SOX6: variants seen among roughly 807,000 people sequenced by gnomAD.
SOX6 encodes SRY-box transcription factor 6.
SOX6 carries 11 observed loss-of-function variants against 97.8 expected under a neutral mutation model. That is an observed-to-expected ratio of 0.11 (90% CI 0.07 to 0.19). The LOEUF (loss-of-function observed/expected upper bound fraction) is 0.19, where lower values mean the gene tolerates loss of function less well. SOX6 is among the 10% of genes least tolerant of loss of function. SOX6 has a pLI of 1.00. For synonymous variants in SOX6, 360 were observed against 371.4 expected (o/e 0.97, Z 0.35); for missense variants, 810 against 1,039.5 (o/e 0.78, Z 3.04).
At chr11:16,648,182 G>A (rs997525450) in intron 3 of SOX6, among the ~76,000 whole-genome samples, 1 of 152,108 alleles carries the variant, frequency 6.6e-6, no homozygotes, top group Non-Finnish European at 1.5e-5. Context: ...TGGCACCATG[G>A]AGCAAGACTA....
chr11:16,555,690 T>A (rs1483652824), intron 4 of SOX6, among the ~76,000 whole-genome samples: 1 of 151,680 alleles, frequency 6.6e-6, no homozygotes, highest in African/African-American at 2.4e-5. Flanking sequence ...CTTGGACACA[T>A]AAACATTTTT....
chr11:16,658,740 T>C (rs1847744006), intron 3 of SOX6, among the ~76,000 whole-genome samples: 3 of 152,142 alleles, frequency 2.0e-5, no homozygotes, highest in Admixed American at 2.0e-4. Context: ...GAGTTTGGCT[T>C]GACTTTCATT....
At chr11:16,538,287 T>C (rs1861340946) in intron 4 of SOX6, among the ~76,000 whole-genome samples, 1 of 152,192 alleles carries the variant, frequency 6.6e-6, no homozygotes, top group Non-Finnish European at 1.5e-5. Flanking sequence ...AGAGATTTTG[T>C]CACCACCAGC....
chr11:16,447,443 T>TTCTCTCTC (rs142888152), intron 1 of SOX6, among the ~76,000 whole-genome samples: 13 of 150,232 alleles, frequency 8.7e-5, no homozygotes, highest in South Asian at 2.1e-4. Flanking sequence ...CTCCTTCGAT[T>TTCTCTCTC]TCTCTCTCTC....
intron 4 of SOX6, among the ~76,000 whole-genome samples, chr11:16,493,582 C>A (rs1860544380): frequency 6.6e-6 from 1 of 152,104 alleles, no homozygotes; most frequent in Admixed American, 6.6e-5. Context: ...CACAGATATT[C>A]ATTTTATGAT....
intron 6 of SOX6, among the ~76,000 whole-genome samples, chr11:16,163,734 T>C (rs1850814630): frequency 6.6e-6 from 1 of 152,250 alleles, no homozygotes; most frequent in Admixed American, 6.5e-5. Flanking sequence ...TTTTGGCTTC[T>C]AAGCCTAACC....
intron 4 of SOX6, among the ~76,000 whole-genome samples, chr11:16,575,056 A>C (rs1847970114): frequency 6.6e-6 from 1 of 151,990 alleles, no homozygotes; most frequent in South Asian, 2.1e-4. Context: ...TAAAAAAAAA[A>C]AAGGCAATGA....
chr11:16,283,713 G>T, intron 3 of SOX6: 1 of 222,530 alleles, frequency 4.5e-6, no homozygotes, highest in Non-Finnish European at 9.0e-6. Flanking sequence ...TATCTCAAGT[G>T]AAGGACACAA....
Position 16,291,276 on chromosome 11 carries a change from T to C in SOX6, c.445+27170A>G, listed in dbSNP as rs887415430. Among the ~76,000 whole-genome samples the C allele has an allele frequency of 1.0e-4, 11 of 109,060 alleles. 1 individual carries two copies. Among genetic ancestry groups the C allele is most frequent in the African/African-American group, 2.0e-4 (6 of 29,562 alleles). 71.5% of individuals were successfully genotyped at this position (109,060 alleles called of 152,430 possible). A position where few individuals can be genotyped will look rare whatever the true frequency, so the allele number is the denominator to read the frequency against. ...ATATATATATATATATATATATATA[T>C]ACGAGGTGTTGTGCTGTCTGGTAAA... On this transcript the variant is annotated intron_variant, in intron 3 of 15. Transcript: ENST00000683767.
chr11:16,120,298 C>T (rs1253209072), intron 6 of SOX6, among the ~76,000 whole-genome samples: 1 of 150,338 alleles, frequency 6.7e-6, no homozygotes, highest in East Asian at 2.0e-4. Context: ...TTCCTCTTTC[C>T]TTTCTCAGGT....
At chr11:16,534,423 T>A (rs2133171849) in intron 4 of SOX6, among the ~76,000 whole-genome samples, 1 of 152,256 alleles carries the variant, frequency 6.6e-6, no homozygotes. Flanking sequence ...TTCTAGAACT[T>A]TGCCTTGTAT....
chr11:16,346,815 GC>G (rs1856788626), intron 1 of SOX6, among the ~76,000 whole-genome samples: 1 of 151,996 alleles, frequency 6.6e-6, no homozygotes, highest in East Asian at 1.9e-4. Flanking sequence ...TACATTTGAA[GC>G]CCTTGAAGTG....
intron 4 of SOX6, among the ~76,000 whole-genome samples, chr11:16,594,469 A>G (rs1447693541): frequency 3.3e-5 from 5 of 152,078 alleles, no homozygotes; most frequent in African/African-American, 7.2e-5. Context: ...AAACCTCAAT[A>G]TATCTACTTT....
chr11:16,580,598 G>A (rs1848023282), intron 4 of SOX6, among the ~76,000 whole-genome samples: 1 of 152,076 alleles, frequency 6.6e-6, no homozygotes. Context: ...GTGCTCATCA[G>A]TGGTAGATTG....
intron 3 of SOX6, among the ~76,000 whole-genome samples, chr11:16,655,774 T>C (rs751178770): frequency 5.3e-5 from 8 of 152,170 alleles, no homozygotes; most frequent in Non-Finnish European, 1.2e-4. Context: ...AAATCAATAG[T>C]ACTAGCTGGT....
intron 1 of SOX6, among the ~76,000 whole-genome samples, chr11:16,343,822 T>C (rs1590142325): frequency 6.6e-6 from 1 of 151,940 alleles, no homozygotes; most frequent in African/African-American, 2.4e-5. Flanking sequence ...TCAGGAATGC[T>C]ACCTATTTAT....
chr11:16,028,694 T>C (rs574711448), intron 12 of SOX6, among the ~76,000 whole-genome samples: 44 of 152,318 alleles, frequency 2.9e-4, no homozygotes, highest in South Asian at 1.2e-3. Context: ...GAGTACATTA[T>C]GCATCTGATG....
chr11:16,738,019 C>A (rs1848407280), intron 1 of SOX6, among the ~76,000 whole-genome samples: 1 of 152,002 alleles, frequency 6.6e-6, no homozygotes, highest in Non-Finnish European at 1.5e-5. Context: ...AGCACTCCCA[C>A]CTCACACAAA....
chr11:16,522,410 C>T (rs1156590373), intron 4 of SOX6, among the ~76,000 whole-genome samples: 1 of 151,916 alleles, frequency 6.6e-6, no homozygotes, highest in Non-Finnish European at 1.5e-5. Flanking sequence ...AAATAAAATC[C>T]TTTACAGAGA....
Sources: gnomAD v4.1 joint callset for allele counts (sites outside exome capture counted in the v4.1 genomes callset) on GRCh38, gnomAD v4.1.1 for gene constraint, MANE v1.5 for transcripts, NCBI Gene and HGNC (gene_info 2026-07-23, HGNC 2026-07-21) for gene names.